The following PDILT variants were observed in gnomAD, a reference collection of about 807,000 sequenced individuals.
The protein encoded by PDILT is protein disulfide isomerase like, testis expressed.
A neutral mutation model predicts 53.7 loss-of-function variants in PDILT; 43 were observed. The observed-to-expected ratio is 0.80, with a 90% CI of 0.63 to 1.03. The LOEUF (loss-of-function observed/expected upper bound fraction) is 1.03, where lower values mean the gene tolerates loss of function less well. Ranked by LOEUF, PDILT falls within the 50% of genes least tolerant of loss-of-function variation. The pLI is 0.00. For synonymous variants in PDILT, 282 were observed against 274.2 expected, an observed-to-expected ratio of 1.03 and a Z score of -0.28; for missense variants, 727 against 712.3, an observed-to-expected ratio of 1.02 and a Z score of -0.24.
At chr16:20,370,457 G>A (rs1197397430) in intron 7 of PDILT, among the ~76,000 whole-genome samples, 1 of 152,166 alleles carries the variant, frequency 6.6e-6, no homozygotes, top group African/African-American at 2.4e-5. Flanking sequence ...ATTTCAGCTG[G>A]GACATAGTTG....
chr16:20,397,431 C>T (rs1010406558), intron 2 of PDILT, among the ~76,000 whole-genome samples: 5 of 152,268 alleles, frequency 3.3e-5, no homozygotes, highest in African/African-American at 9.6e-5. Flanking sequence ...GCATGAGCTA[C>T]CATGCCCAGC....
chr16:20,372,412 G>T lies in PDILT; in HGVS notation c.918+390C>A, dbSNP rs568257563. 6.6e-5 allele frequency among the ~76,000 whole-genome samples: 10 copies of T among 152,142 alleles called. No homozygotes were observed. The South Asian group carries it at 1.0e-3, about 16-fold the overall frequency. ...TACTCCCCACCTTCAGGCTTTCATAGTCCTTGACCTCAAACAGCAGTGGTC... is the reference window on the plus strand; with the variant it reads ...TACTCCCCACCTTCAGGCTTTCATATTCCTTGACCTCAAACAGCAGTGGTC... On this transcript the variant is annotated intron_variant, in intron 7 of 11. Coordinates refer to ENST00000302451, the MANE Select transcript of PDILT (RefSeq NM_174924.2).
intron 3 of PDILT, among the ~76,000 whole-genome samples, chr16:20,381,502 G>A (rs990554389): frequency 1.3e-5 from 2 of 151,970 alleles, no homozygotes; most frequent in Non-Finnish European, 1.5e-5. Context: ...TGGGAGTGGT[G>A]GCACATGCCT....
At chr16:20,395,615 A>G (rs1966652889) in intron 2 of PDILT, among the ~76,000 whole-genome samples, 1 of 152,182 alleles carries the variant, frequency 6.6e-6, no homozygotes, top group Admixed American at 6.5e-5. Flanking sequence ...TAGTTTGGTT[A>G]GTTCGACTTT....
chr16:20,397,999 T>C (rs1197760697), intron 2 of PDILT, among the ~76,000 whole-genome samples: 1 of 152,182 alleles, frequency 6.6e-6, no homozygotes, highest in Non-Finnish European at 1.5e-5. Context: ...GGGTCTGTGG[T>C]CGCCACTTGT....
intron 1 of PDILT, among the ~76,000 whole-genome samples, chr16:20,401,298 T>C (rs1966737426): frequency 1.3e-5 from 2 of 152,218 alleles, no homozygotes; most frequent in South Asian, 4.1e-4. Context: ...GTAGAACCCT[T>C]GTTCTTAGAA....
chr16:20,367,057 TTCTTTCTTTCTTTCTTTCTTTC>T (rs1567320769), intron 8 of PDILT, among the ~76,000 whole-genome samples: 2 of 110,920 alleles, frequency 1.8e-5, no homozygotes, highest in African/African-American at 7.9e-5. Context: ...CTTTCTTTCT[TTCTTTCTTTCTTTCTTTCTTTC>T]TTTCTTTCTT....
chr16:20,397,772 C>G (rs1291500272), intron 2 of PDILT, among the ~76,000 whole-genome samples: 2 of 152,170 alleles, frequency 1.3e-5, no homozygotes, highest in African/African-American at 4.8e-5. Context: ...GGGAAAGGCA[C>G]CCTGCCTCCC....
intron 3 of PDILT, among the ~76,000 whole-genome samples, chr16:20,383,049 T>C (rs770888475): frequency 9.2e-5 from 14 of 152,166 alleles, no homozygotes; most frequent in Admixed American, 3.9e-4. Context: ...GGAGACTTCC[T>C]AGATGGGGTG....
chr16:20,367,095 CTTT>C (rs1567320985), intron 8 of PDILT, among the ~76,000 whole-genome samples: 9 of 89,762 alleles, frequency 1.0e-4, no homozygotes, highest in Non-Finnish European at 1.4e-4. Context: ...TTCTTTCTTT[CTTT>C]CTTTCTTCCT....
intron 3 of PDILT, among the ~76,000 whole-genome samples, chr16:20,382,303 C>T (rs1361422609): frequency 2.0e-5 from 3 of 152,232 alleles, no homozygotes; most frequent in East Asian, 1.9e-4. Flanking sequence ...GCTTAGAGTA[C>T]AGCGCAATGT....
At chr16:20,371,163 G>C (rs558382781) in intron 7 of PDILT, among the ~76,000 whole-genome samples, 7 of 152,284 alleles carry the variant, frequency 4.6e-5, no homozygotes, top group African/African-American at 1.7e-4. Flanking sequence ...ATGAGGGAGA[G>C]AGACAAAGGA....
At chr16:20,370,744 A>G (rs758397301) in intron 7 of PDILT, among the ~76,000 whole-genome samples, 3 of 152,072 alleles carry the variant, frequency 2.0e-5, no homozygotes, top group Admixed American at 6.6e-5. Context: ...GGTCATAAAG[A>G]CCTTGCTGAT....
intron 2 of PDILT, among the ~76,000 whole-genome samples, chr16:20,387,128 T>A (rs928142983): frequency 6.6e-6 from 1 of 152,236 alleles, no homozygotes. Context: ...TGCCAGGCAC[T>A]GTCCTAGGGA....
At chr16:20,375,947 C>A in intron 4 of PDILT, 121 bp downstream of exon 4, 1 of 1,288,760 alleles carries the variant, frequency 7.8e-7, no homozygotes, top group Non-Finnish European at 1.1e-6. Flanking sequence ...CCCCTAAAAA[C>A]CAGATCATTG....
chr16:20,401,500 A>G (rs1346738250), intron 1 of PDILT, among the ~76,000 whole-genome samples: 1 of 152,160 alleles, frequency 6.6e-6, no homozygotes, highest in Non-Finnish European at 1.5e-5. Context: ...GAACCGTCCT[A>G]GGCCTGACAG....
At position 20,391,438 on chromosome 16, in the gene PDILT, C is replaced by A. The variant is rs1048568375; in HGVS notation, c.203-6587G>T. Among the ~76,000 whole-genome samples the A allele has an allele frequency of 2.6e-5, 4 of 152,148 alleles. No homozygotes were observed. In the East Asian group the frequency reaches 7.7e-4, roughly 29 times the overall value. Reference sequence around the variant, plus strand: ...CTCACCATCATCATCTAACCTACTCCTAGGACAGAATCTTGTCACCTCTGC... The same window carrying A: ...CTCACCATCATCATCTAACCTACTCATAGGACAGAATCTTGTCACCTCTGC... On this transcript the variant is annotated intron_variant, in intron 2 of 11. Coordinates refer to ENST00000302451, the MANE Select transcript of PDILT (RefSeq NM_174924.2).
rs761511903 is a variant in PDILT at position 20,373,026 on chromosome 16, C to T, written c.778G>A (p.Glu260Lys). The T allele has an allele frequency of 7.4e-6, 12 of 1,614,006 alleles. No individual in the cohort carries two copies. The highest frequency in any genetic ancestry group is 4.5e-5 in the East Asian group (2 of 44,880). ...IKQHLTDFVI[E>K]YNTENKDLIS... ...TACTCACTGACCTCAGTGTTGTATT[C>T]GATCACAAAATCTGTAAGGTGCTGT... The change falls in exon 6 of 12, where the codon GAA becomes AAA. Residue 260 changes from glutamate to lysine, a missense_variant. Transcript: ENST00000302451.
intron 8 of PDILT, among the ~76,000 whole-genome samples, chr16:20,366,936 T>TTTCCTTCC (rs554919222): frequency 0.018 from 631 of 35,734 alleles, 23 homozygotes; most frequent in East Asian, 0.031. Flanking sequence ...AACCAAATTC[T>TTTCCTTCC]TTCCTTCCTT....
Sources: allele counts gnomAD v4.1 joint callset (sites outside exome capture counted in the v4.1 genomes callset), GRCh38; gene constraint gnomAD v4.1.1; transcripts MANE v1.5; gene names NCBI Gene and HGNC (gene_info 2026-07-23, HGNC 2026-07-21).